The following GABRB1 variants were observed in gnomAD, a reference collection of about 807,000 sequenced individuals.
GABRB1 encodes the protein gamma-aminobutyric acid type A receptor subunit beta1, also known as gamma-aminobutyric acid receptor subunit beta-1.
A neutral mutation model predicts 51.6 loss-of-function variants in GABRB1; 17 were observed. The ratio of observed to expected loss-of-function variants is 0.33; its 90% CI spans 0.23 to 0.49. The LOEUF (loss-of-function observed/expected upper bound fraction) is 0.49. Ranked by LOEUF, GABRB1 falls within the 20% of genes least tolerant of loss-of-function variation. GABRB1 has a pLI of 0.99. For synonymous variants in GABRB1, 247 were observed against 218.9 expected, an observed-to-expected ratio of 1.13 and a Z score of -1.14; for missense variants, 410 against 600.6, an observed-to-expected ratio of 0.68 and a Z score of 3.32.
chr4:47,019,422 T>A (rs567738686), intron 1 of GABRB1, among the ~76,000 whole-genome samples: 10,172 of 152,192 alleles, frequency 0.067, 421 homozygotes, highest in South Asian at 0.18. Context: ...TGTGTTTCAT[T>A]AAACACTGTA....
intron 5 of GABRB1, among the ~76,000 whole-genome samples, chr4:47,382,971 T>C (rs568278427): frequency 3.9e-5 from 6 of 152,190 alleles, no homozygotes; most frequent in Non-Finnish European, 7.3e-5. Context: ...AACACAGACA[T>C]TAATGTGCCC....
At position 47,349,611 on chromosome 4, in the gene GABRB1, C is replaced by A. The variant is rs530401350; in HGVS notation, c.544+29402C>A. ...GAATCATCCCTTTGTCCGGTGGATCCACGCCGTATACACTGCCACCCATCC... is the reference window on the plus strand; with the variant it reads ...GAATCATCCCTTTGTCCGGTGGATCAACGCCGTATACACTGCCACCCATCC... On this transcript the variant is annotated intron_variant, in intron 5 of 8. Coordinates refer to ENST00000295454, the MANE Select transcript of GABRB1 (RefSeq NM_000812.4). 2.0e-5 allele frequency among the ~76,000 whole-genome samples: 3 copies of A among 152,292 alleles called. No homozygotes were observed. The South Asian group carries it at 6.2e-4, about 32-fold the overall frequency.
chr4:47,406,246 C>A (rs1327816030), intron 7 of GABRB1, among the ~76,000 whole-genome samples: 2 of 152,136 alleles, frequency 1.3e-5, no homozygotes, highest in Admixed American at 6.5e-5. Flanking sequence ...AACTAGTCAC[C>A]AGCTTTCAGT....
At chr4:47,297,678 T>A (rs1578073756) in intron 4 of GABRB1, among the ~76,000 whole-genome samples, 1 of 152,066 alleles carries the variant, frequency 6.6e-6, no homozygotes, top group East Asian at 1.9e-4. Context: ...CTGCCAAAGG[T>A]ACAAGGAGGA....
chr4:47,037,676 G>A (rs1725649667), intron 3 of GABRB1, among the ~76,000 whole-genome samples: 1 of 151,814 alleles, frequency 6.6e-6, no homozygotes, highest in African/African-American at 2.4e-5. Flanking sequence ...GTATTATAGT[G>A]TGAAATACAA....
intron 4 of GABRB1, among the ~76,000 whole-genome samples, chr4:47,306,514 G>A (rs1724476404): frequency 6.6e-6 from 1 of 151,798 alleles, no homozygotes; most frequent in South Asian, 2.1e-4. Flanking sequence ...AAGGATGGGA[G>A]GAGGAATTAT....
chr4:47,062,399 C>T (rs1010089400), intron 3 of GABRB1, among the ~76,000 whole-genome samples: 2 of 148,168 alleles, frequency 1.3e-5, no homozygotes, highest in Non-Finnish European at 3.0e-5. Flanking sequence ...ATGCCTTTCT[C>T]TAGATAATTT....
At chr4:47,376,270 G>T (rs1341980094) in intron 5 of GABRB1, among the ~76,000 whole-genome samples, 5 of 152,182 alleles carry the variant, frequency 3.3e-5, no homozygotes, top group Non-Finnish European at 7.3e-5. Flanking sequence ...CTTTCTGAGA[G>T]AATATGATCA....
Position 47,339,541 on chromosome 4 carries a change from ATGTGTG to A in GABRB1, c.544+19356_544+19361del, listed in dbSNP as rs34390361. Reference sequence around the variant, plus strand: ...CATATTTATGTGTGTATGTGTGCATATGTGTGTGTGTGTGTGTGTGTGTGTGTGTAA... The same window carrying A: ...CATATTTATGTGTGTATGTGTGCATATGTGTGTGTGTGTGTGTGTGTGTAA... On this transcript the variant is annotated intron_variant, in intron 5 of 8. Coordinates refer to ENST00000295454, the MANE Select transcript of GABRB1 (RefSeq NM_000812.4). Among the ~76,000 whole-genome samples, 169 of 148,464 alleles carry A rather than the reference ATGTGTG, an allele frequency of 1.1e-3. 1 individual carries two copies. The highest frequency in any genetic ancestry group is 7.0e-3 in the Middle Eastern group (2 of 286).
chr4:47,247,747 A>G (rs1721821982), intron 4 of GABRB1, among the ~76,000 whole-genome samples: 3 of 151,906 alleles, frequency 2.0e-5, no homozygotes, highest in Admixed American at 2.0e-4. Flanking sequence ...TTGGTTAGGT[A>G]TATTCCTAAG....
At chr4:47,000,569 C>G (rs1724148131) in intron 1 of GABRB1, among the ~76,000 whole-genome samples, 1 of 152,126 alleles carries the variant, frequency 6.6e-6, no homozygotes, top group South Asian at 2.1e-4. Context: ...GTCCTTCATC[C>G]CATTGCAGTT....
At chr4:47,059,933 A>G (rs147943827) in intron 3 of GABRB1, among the ~76,000 whole-genome samples, 272 of 152,316 alleles carry the variant, frequency 1.8e-3, no homozygotes, top group African/African-American at 6.2e-3. Flanking sequence ...TTAGAACCTT[A>G]CAGTCCAAAT....
At position 47,207,219 on chromosome 4, in the gene GABRB1, C is replaced by T. The variant is rs1441168459; in HGVS notation, c.461+45750C>T. ...AGCTCATTTATCTCCATAGTCAATCCATTAACTTGATGTTAATGTAACATT... is the reference window on the plus strand; with the variant it reads ...AGCTCATTTATCTCCATAGTCAATCTATTAACTTGATGTTAATGTAACATT... On this transcript the variant is annotated intron_variant, in intron 4 of 8. Coordinates refer to ENST00000295454, the MANE Select transcript of GABRB1 (RefSeq NM_000812.4). Among the ~76,000 whole-genome samples, 3 of 152,080 alleles carry T rather than the reference C, an allele frequency of 2.0e-5. No individual in the cohort carries two copies. The East Asian group carries it at 5.8e-4, about 29-fold the overall frequency.
intron 3 of GABRB1, among the ~76,000 whole-genome samples, chr4:47,051,303 G>A (rs537115248): frequency 1.3e-4 from 20 of 152,074 alleles, no homozygotes; most frequent in Non-Finnish European, 2.6e-4. Flanking sequence ...AGGGAAGAAG[G>A]GCTAAAATTT....
chr4:47,307,278 A>C (rs1724506676), intron 4 of GABRB1, among the ~76,000 whole-genome samples: 1 of 152,120 alleles, frequency 6.6e-6, no homozygotes, highest in Admixed American at 6.6e-5. Flanking sequence ...CACTGGACCT[A>C]TAAAAATGAA....
At chr4:47,175,595 A>G (rs1463075854) in intron 4 of GABRB1, among the ~76,000 whole-genome samples, 4 of 152,200 alleles carry the variant, frequency 2.6e-5, no homozygotes, top group African/African-American at 9.6e-5. Context: ...ATATGAAAAT[A>G]AAACTACTTG....
intron 8 of GABRB1, among the ~76,000 whole-genome samples, chr4:47,416,361 T>A (rs988328988): frequency 6.6e-6 from 1 of 151,806 alleles, no homozygotes; most frequent in African/African-American, 2.4e-5. Flanking sequence ...TGGACTAGAA[T>A]AAGAAATTTG....
At chr4:47,001,285 G>A (rs1276094646) in intron 1 of GABRB1, among the ~76,000 whole-genome samples, 2 of 151,972 alleles carry the variant, frequency 1.3e-5, no homozygotes, top group African/African-American at 2.4e-5. Flanking sequence ...TGGGACTACA[G>A]GCGCCCCCCA....
At chr4:47,249,500 T>C (rs1721898313) in intron 4 of GABRB1, among the ~76,000 whole-genome samples, 1 of 152,108 alleles carries the variant, frequency 6.6e-6, no homozygotes, top group African/African-American at 2.4e-5. Flanking sequence ...TTGGGTGAAA[T>C]GTTCTGTATA....
Sources: allele counts gnomAD v4.1 joint callset (sites outside exome capture counted in the v4.1 genomes callset), GRCh38; gene constraint gnomAD v4.1.1; transcripts MANE v1.5; gene names NCBI Gene and HGNC (gene_info 2026-07-23, HGNC 2026-07-21).